The following THSD7B variants were observed in gnomAD, a reference collection of about 807,000 sequenced individuals.
The protein encoded by THSD7B is thrombospondin type 1 domain containing 7B, also known as thrombospondin type-1 domain-containing protein 7B.
THSD7B carries 138 observed loss-of-function variants against 213.6 expected under a neutral mutation model. The ratio of observed to expected loss-of-function variants is 0.65; its 90% CI spans 0.56 to 0.74. The LOEUF (loss-of-function observed/expected upper bound fraction) is 0.74. THSD7B is among the 30% of genes least tolerant of loss of function. The pLI, the probability that THSD7B is intolerant of heterozygous loss-of-function variation, is 0.00. For synonymous variants in THSD7B, 742 were observed against 687.0 expected (o/e 1.08, Z -1.25); for missense variants, 1,931 against 1,991.5 (o/e 0.97, Z 0.58).
chr2:137,644,768 A>T (rs1182813068), intron 21 of THSD7B, among the ~76,000 whole-genome samples: 1 of 152,196 alleles, frequency 6.6e-6, no homozygotes, highest in African/African-American at 2.4e-5. Context: ...CTTGCCTGCC[A>T]AACACAAGTT....
intron 4 of THSD7B, among the ~76,000 whole-genome samples, chr2:137,109,652 G>A (rs1243860498): frequency 1.3e-5 from 2 of 152,128 alleles, no homozygotes; most frequent in Non-Finnish European, 2.9e-5. Context: ...AATAGGGTTT[G>A]CACTCCTGTG....
intron 14 of THSD7B, among the ~76,000 whole-genome samples, chr2:137,415,902 C>T (rs1468481807): frequency 6.6e-6 from 1 of 151,990 alleles, no homozygotes; most frequent in African/African-American, 2.4e-5. Context: ...CACCAACTGA[C>T]ACATTATATA....
Position 137,285,878 on chromosome 2 carries a change from C to T in THSD7B, c.2500+9852C>T, listed in dbSNP as rs529026981. 5.2e-4 allele frequency among the ~76,000 whole-genome samples: 79 copies of T among 151,808 alleles called. 1 individual carries two copies. Among genetic ancestry groups the T allele is most frequent in the Non-Finnish European group, 9.4e-4 (64 of 67,950 alleles). ...CAGCACTTTGGGAGGTTGAGGTGGGCGGATCACCTGAGGTCAGGAGTTCGA... is the reference window on the plus strand; with the variant it reads ...CAGCACTTTGGGAGGTTGAGGTGGGTGGATCACCTGAGGTCAGGAGTTCGA... On this transcript the variant is annotated intron_variant, in intron 12 of 27. Transcript: ENST00000409968.
chr2:137,587,434 T>G (rs1243105704), intron 17 of THSD7B, among the ~76,000 whole-genome samples: 1 of 152,188 alleles, frequency 6.6e-6, no homozygotes, highest in Non-Finnish European at 1.5e-5. Context: ...ATTTTCAGCT[T>G]TTCTGCTCTG....
At position 136,928,794 on chromosome 2, in the gene THSD7B, A is replaced by G. The variant is rs79905639; in HGVS notation, c.139+46477A>G. Among the ~76,000 whole-genome samples the G allele has an allele frequency of 7.2e-3, 1,103 of 152,300 alleles. 13 individuals are homozygous for G. The highest frequency in any genetic ancestry group is 0.025 in the African/African-American group (1,030 of 41,570). ...ACAGAGTTTTAGGAGCTCATCTGAA[A>G]TATATCTGCAGAGTGGGTTGATAGA... On this transcript the variant is annotated intron_variant, in intron 2 of 27. Transcript: ENST00000409968.
intron 17 of THSD7B, among the ~76,000 whole-genome samples, chr2:137,596,738 C>T (rs1225702957): frequency 6.6e-6 from 1 of 151,438 alleles, no homozygotes; most frequent in East Asian, 1.9e-4. Flanking sequence ...CCTCTTCTTT[C>T]TCTTGCACCT....
intron 2 of THSD7B, among the ~76,000 whole-genome samples, chr2:137,033,194 T>C (rs1686707623): frequency 6.6e-6 from 1 of 152,246 alleles, no homozygotes; most frequent in Admixed American, 6.5e-5. Context: ...GTTCTGCTGA[T>C]ACTGGCTAGA....
chr2:137,080,375 T>G (rs1269169419), intron 3 of THSD7B, among the ~76,000 whole-genome samples: 5 of 144,274 alleles, frequency 3.5e-5, no homozygotes, highest in Non-Finnish European at 7.6e-5. Context: ...CTGTTTTTTT[T>G]TTTTTTTTTT....
At chr2:137,053,731 C>CA (rs552835298) in intron 2 of THSD7B, among the ~76,000 whole-genome samples, 19 of 151,564 alleles carry the variant, frequency 1.3e-4, no homozygotes, top group African/African-American at 3.6e-4. Context: ...TTAATCCATG[C>CA]AAAAAAAATC....
At chr2:136,829,061 G>A (rs542551947) in intron 1 of THSD7B, among the ~76,000 whole-genome samples, 4 of 151,934 alleles carry the variant, frequency 2.6e-5, no homozygotes, top group South Asian at 4.1e-4. Context: ...ACTCTATTAC[G>A]TATGAGTCTT....
rs148145579 is a variant in THSD7B at position 136,850,211 on chromosome 2, AGTTT to A, written c.-35-31932_-35-31929del. 3.7e-3 allele frequency among the ~76,000 whole-genome samples: 567 copies of A among 152,240 alleles called. 3 individuals carry two copies. The highest frequency in any genetic ancestry group is 0.013 in the African/African-American group (543 of 41,568). ...TATCTATGTCAATAAATACAATGTT[AGTTT>A]ATCAATTTTTACAACTGTATAATGC... On this transcript the variant is annotated intron_variant, in intron 1 of 27. Coordinates refer to ENST00000409968, the MANE Select transcript of THSD7B (RefSeq NM_001316349.2).
At chr2:137,419,857 C>T (rs1686885697) in intron 14 of THSD7B, among the ~76,000 whole-genome samples, 2 of 151,908 alleles carry the variant, frequency 1.3e-5, no homozygotes, top group South Asian at 4.2e-4. Flanking sequence ...ATACATTCAT[C>T]CACTGATGAA....
At chr2:136,863,612 CTGAAT>C (rs1295460782) in intron 1 of THSD7B, among the ~76,000 whole-genome samples, 4 of 152,124 alleles carry the variant, frequency 2.6e-5, no homozygotes, top group Non-Finnish European at 5.9e-5. Flanking sequence ...CCTCATTTCT[CTGAAT>C]AGAAAGCCAA....
At chr2:137,035,680 G>T (rs545567655) in intron 2 of THSD7B, among the ~76,000 whole-genome samples, 1 of 152,122 alleles carries the variant, frequency 6.6e-6, no homozygotes, top group South Asian at 2.1e-4. Flanking sequence ...AACCCAGGTA[G>T]ACTGGTGAAA....
intron 1 of THSD7B, among the ~76,000 whole-genome samples, chr2:136,775,332 A>AAGACAAAGT (rs1210320030): frequency 7.2e-5 from 11 of 152,152 alleles, no homozygotes; most frequent in Admixed American, 6.6e-4. Flanking sequence ...TCAAATAATG[A>AAGACAAAGT]AGACAAAGTC....
chr2:137,669,812 T>C (rs1683525336), intron 27 of THSD7B, among the ~76,000 whole-genome samples: 1 of 152,334 alleles, frequency 6.6e-6, no homozygotes, highest in African/African-American at 2.4e-5. Context: ...TAGTAACACA[T>C]ACATTTTTCC....
chr2:136,795,206 T>C (rs1160892041), intron 1 of THSD7B, among the ~76,000 whole-genome samples: 1 of 151,944 alleles, frequency 6.6e-6, no homozygotes, highest in Admixed American at 6.6e-5. Flanking sequence ...AAAACCGAGG[T>C]GTCAGCAGGG....
At chr2:136,779,590 G>A (rs1681692952) in intron 1 of THSD7B, among the ~76,000 whole-genome samples, 1 of 152,010 alleles carries the variant, frequency 6.6e-6, no homozygotes, top group East Asian at 1.9e-4. Context: ...AAAAAATCTT[G>A]GAAACTTCAT....
At chr2:137,316,581 G>T (rs553098809) in intron 12 of THSD7B, among the ~76,000 whole-genome samples, 1 of 152,050 alleles carries the variant, frequency 6.6e-6, no homozygotes, top group African/African-American at 2.4e-5. Flanking sequence ...CGAGACCACA[G>T]TGAAACCCTG....
Sources: allele counts gnomAD v4.1 joint callset (sites outside exome capture counted in the v4.1 genomes callset), GRCh38; gene constraint gnomAD v4.1.1; transcripts MANE v1.5; gene names NCBI Gene and HGNC (gene_info 2026-07-23, HGNC 2026-07-21).